Variants in SLC35F3 observed in about 807,000 individuals in gnomAD.
The protein encoded by SLC35F3 is solute carrier family 35 member F3, also known as putative thiamine transporter SLC35F3.
Under a neutral mutation model 49.9 loss-of-function variants are expected in SLC35F3, and 25 were observed. That is an observed-to-expected ratio of 0.50 (90% CI 0.37 to 0.70). The LOEUF (loss-of-function observed/expected upper bound fraction) is 0.70. Among genes scored for constraint, SLC35F3 ranks in the 30% least tolerant of loss-of-function variants. The pLI is 0.00. For synonymous variants in SLC35F3, 275 were observed against 265.4 expected (o/e 1.04, Z -0.35); for missense variants, 525 against 639.8 (o/e 0.82, Z 1.94).
At chr1:233,928,974 G>A (rs1179198296) in intron 2 of SLC35F3, among the ~76,000 whole-genome samples, 5 of 152,124 alleles carry the variant, frequency 3.3e-5, no homozygotes, top group Admixed American at 2.6e-4. Context: ...TAAAGTCTTA[G>A]TGGCTTCAAG....
chr1:234,172,343 C>T (rs1666411317), intron 2 of SLC35F3, among the ~76,000 whole-genome samples: 1 of 152,210 alleles, frequency 6.6e-6, no homozygotes, highest in African/African-American at 2.4e-5. Context: ...AAGGCTGACT[C>T]AGCCTCCCAA....
Position 234,241,735 on chromosome 1 carries a change from CAA to C in SLC35F3, c.608+10014_608+10015del, listed in dbSNP as rs34326038. Among the ~76,000 whole-genome samples the C allele has an allele frequency of 4.2e-3, 381 of 89,892 alleles. 3 individuals carry two copies. Among genetic ancestry groups the C allele is most frequent in the East Asian group, 0.01 (34 of 3,392 alleles). The allele number at this position is 89,892 out of a possible 152,430, so 59.0% of individuals were successfully genotyped here. On this transcript the variant is annotated intron_variant, in intron 3 of 7. Transcript: ENST00000366618. ...GGGCAACAAGAGTGACACTCTGTCT[CAA>C]AAAAAAAAAAAAAAAAAAATGGAGA...
intron 2 of SLC35F3, among the ~76,000 whole-genome samples, chr1:233,979,774 G>A (rs914922289): frequency 6.6e-6 from 1 of 152,168 alleles, no homozygotes; most frequent in Non-Finnish European, 1.5e-5. Flanking sequence ...AGGCTGCACC[G>A]GTCTGATGCA....
At chr1:234,037,066 T>C (rs1664153541) in intron 2 of SLC35F3, among the ~76,000 whole-genome samples, 1 of 152,216 alleles carries the variant, frequency 6.6e-6, no homozygotes, top group African/African-American at 2.4e-5. Context: ...CTAGTCTGTT[T>C]TGTGTTGCTA....
chr1:233,905,863 C>A, intron 2 of SLC35F3, 105 bp downstream of exon 2: 1 of 1,065,968 alleles, frequency 9.4e-7, no homozygotes. Context: ...CCACCCCCTC[C>A]CGCCCTGCCT....
chr1:234,197,637 C>A (rs1185886179), intron 2 of SLC35F3, among the ~76,000 whole-genome samples: 1 of 152,222 alleles, frequency 6.6e-6, no homozygotes, highest in Non-Finnish European at 1.5e-5. Context: ...GGCAGTTCTC[C>A]TGCCCACAAG....
intron 2 of SLC35F3, among the ~76,000 whole-genome samples, chr1:233,946,347 CA>C (rs1295950715): frequency 3.3e-5 from 5 of 152,164 alleles, no homozygotes; most frequent in African/African-American, 9.7e-5. Context: ...CAAAGCCAGC[CA>C]ACACTGGCTC....
chr1:234,115,752 C>G (rs1665476738), intron 2 of SLC35F3, among the ~76,000 whole-genome samples: 1 of 152,168 alleles, frequency 6.6e-6, no homozygotes, highest in Admixed American at 6.5e-5. Flanking sequence ...CTCGAAATAT[C>G]TCAGTGTGTA....
At chr1:234,119,874 A>G (rs1385189686) in intron 2 of SLC35F3, among the ~76,000 whole-genome samples, 2 of 152,140 alleles carry the variant, frequency 1.3e-5, no homozygotes, top group Admixed American at 1.3e-4. Context: ...CACACACTCA[A>G]TTTACAGCCT....
intron 2 of SLC35F3, among the ~76,000 whole-genome samples, chr1:233,932,162 G>A (rs1292338991): frequency 6.6e-6 from 1 of 152,136 alleles, no homozygotes; most frequent in African/African-American, 2.4e-5. Context: ...GGGGGGCTAG[G>A]AGAGGGAGAG....
chr1:234,081,875 C>T (rs1254485750), intron 2 of SLC35F3, among the ~76,000 whole-genome samples: 1 of 142,676 alleles, frequency 7.0e-6, no homozygotes, highest in Non-Finnish European at 1.5e-5. Context: ...GTAACTGGGA[C>T]TACAGGCGCC....
intron 2 of SLC35F3, among the ~76,000 whole-genome samples, chr1:234,029,300 A>C (rs1003482351): frequency 6.6e-6 from 1 of 152,218 alleles, no homozygotes; most frequent in Non-Finnish European, 1.5e-5. Context: ...ATTGGCAGCT[A>C]AAGCAATTCA....
At chr1:233,978,201 G>T (rs1313199533) in intron 2 of SLC35F3, among the ~76,000 whole-genome samples, 2 of 152,202 alleles carry the variant, frequency 1.3e-5, no homozygotes, top group Admixed American at 6.5e-5. Flanking sequence ...ACAGGACAGA[G>T]CAGAGAAACT....
intron 2 of SLC35F3, among the ~76,000 whole-genome samples, chr1:234,192,131 A>G (rs1666740965): frequency 6.6e-6 from 1 of 152,176 alleles, no homozygotes; most frequent in African/African-American, 2.4e-5. Flanking sequence ...CCTAATACCA[A>G]AACCAGGAAA....
At chr1:234,322,951 C>A in intron 7 of SLC35F3, 57 bp from the exon 8 acceptor site, 1 of 1,504,804 alleles carries the variant, frequency 6.6e-7, no homozygotes, top group Non-Finnish European at 9.2e-7. Context: ...TGCCCACTCT[C>A]CAGGGACATG....
intron 2 of SLC35F3, among the ~76,000 whole-genome samples, chr1:234,143,685 G>A (rs1665954299): frequency 6.6e-6 from 1 of 152,048 alleles, no homozygotes; most frequent in Admixed American, 6.6e-5. Flanking sequence ...ATGTCCTCCA[G>A]GTTTATCCAT....
At chr1:234,185,854 T>C (rs1666635909) in intron 2 of SLC35F3, among the ~76,000 whole-genome samples, 1 of 152,256 alleles carries the variant, frequency 6.6e-6, no homozygotes, top group Non-Finnish European at 1.5e-5. Flanking sequence ...ATTATCCCTG[T>C]ATGAAGAAGA....
chr1:233,969,400 G>A (rs1415555371), intron 2 of SLC35F3, among the ~76,000 whole-genome samples: 1 of 152,192 alleles, frequency 6.6e-6, no homozygotes, highest in Admixed American at 6.5e-5. Flanking sequence ...GCCATCTGCG[G>A]TGCCTCCTCA....
intron 2 of SLC35F3, among the ~76,000 whole-genome samples, chr1:233,964,317 GCCAC>G (rs1190592049): frequency 2.0e-5 from 3 of 152,184 alleles, no homozygotes; most frequent in Non-Finnish European, 4.4e-5. Flanking sequence ...CGTAGAACCT[GCCAC>G]CCACAGTCTC....
Sources: gnomAD v4.1 joint callset for allele counts (sites outside exome capture counted in the v4.1 genomes callset) on GRCh38, gnomAD v4.1.1 for gene constraint, MANE v1.5 for transcripts, NCBI Gene and HGNC (gene_info 2026-07-23, HGNC 2026-07-21) for gene names.